TRA2B: variants seen among roughly 807,000 people sequenced by gnomAD.
The protein encoded by TRA2B is transformer-2 protein homolog beta.
A neutral mutation model predicts 41.7 loss-of-function variants in TRA2B; 14 were observed. The observed-to-expected ratio is 0.34, with a 90% CI of 0.22 to 0.53. The LOEUF (loss-of-function observed/expected upper bound fraction) is 0.53, where lower values mean the gene tolerates loss of function less well. Ranked by LOEUF, TRA2B falls within the 20% of genes least tolerant of loss-of-function variation. The pLI is 0.95. For missense variants in TRA2B, 167 were observed against 396.8 expected, an observed-to-expected ratio of 0.42 and a Z score of 4.92; for synonymous variants, 130 against 128.8, an observed-to-expected ratio of 1.01 and a Z score of -0.06.
At chr3:185,919,333 G>A (rs1743626966) in intron 7 of TRA2B, 104 bp downstream of exon 7, 1 of 835,464 alleles carries the variant, frequency 1.2e-6, no homozygotes, top group Non-Finnish European at 1.9e-6. Context: ...CAAACAGTCT[G>A]ATTTTGGGTA....
chr3:185,928,660 A>G (rs993753661), intron 1 of TRA2B: 2 of 152,246 alleles, frequency 1.3e-5, no homozygotes, highest in Admixed American at 6.5e-5. Context: ...AAAAGTTGCT[A>G]AAAGCCTGTT....
intron 1 of TRA2B, 47 bp downstream of exon 1, chr3:185,937,778 C>G (rs759821314): frequency 6.2e-7 from 1 of 1,613,134 alleles, no homozygotes; most frequent in Non-Finnish European, 8.5e-7. Flanking sequence ...GAAAAAGATG[C>G]AAGGAGCTAG....
At chr3:185,917,747 T>A (rs369961575) in intron 8 of TRA2B, 22 bp from the exon 9 acceptor site, 1 of 1,610,260 alleles carries the variant, frequency 6.2e-7, no homozygotes, top group South Asian at 1.1e-5. Context: ...AGAATGAACA[T>A]GCTTTAATAT....
At position 185,937,946 on chromosome 3, in the gene TRA2B, C is replaced by A. The variant is rs1230048041; in HGVS notation, c.-86G>T. ...TTCCTTAAGGAGGCTCCGCCGCAGC[C>A]CCGCACGACGCGCCGGTCGCCCAGC... On this transcript the variant is annotated 5_prime_UTR_variant, in exon 1 of 9. Transcript: ENST00000453386. 8 of 1,537,984 alleles carry A rather than the reference C, an allele frequency of 5.2e-6. No individual in the cohort carries two copies. The highest frequency in any genetic ancestry group is 6.2e-6 in the Non-Finnish European group (7 of 1,124,074).
At chr3:185,935,702 A>T in intron 1 of TRA2B, 1 of 985,424 alleles carries the variant, frequency 1.0e-6, no homozygotes, top group Non-Finnish European at 1.2e-6. Flanking sequence ...GTCTAAGATC[A>T]AGCTGTTCCA....
rs1743446876 is a variant in TRA2B, at chr3:185,914,806, A to G, written c.*2909T>C. Among the ~76,000 whole-genome samples, 1 of 152,058 alleles carries G rather than the reference A, an allele frequency of 6.6e-6. No homozygotes were observed. The highest frequency in any genetic ancestry group is 1.5e-5 in the Non-Finnish European group (1 of 67,996). ...CCTAATCCATCCTCAAAATTTCCAT[A>G]TAATTTACAGAAATTTTGATAATGC... On this transcript the variant is annotated 3_prime_UTR_variant, in exon 9 of 9. Coordinates refer to ENST00000453386, the MANE Select transcript of TRA2B (RefSeq NM_004593.3).
rs1743484862 is a variant in TRA2B, at chr3:185,915,933, A to G, written c.*1782T>C. ...AGGTTTCTCAGCCTTTAATGTATCC[A>G]TCCATAACACAACCCCCTCTGGGAC... On this transcript the variant is annotated 3_prime_UTR_variant, in exon 9 of 9. Transcript: ENST00000453386. The G allele has an allele frequency of 6.6e-6, 1 of 152,198 alleles. No homozygotes were observed. Among genetic ancestry groups the G allele is most frequent in the South Asian group, 2.1e-4 (1 of 4,822 alleles). The allele number at this position is 152,198 out of a possible 1,614,324, so 9.4% of individuals were successfully genotyped here. A position where few individuals can be genotyped will look rare whatever the true frequency, so the allele number is the denominator to read the frequency against.
At chr3:185,930,209 C>T (rs1560013393) in intron 1 of TRA2B, among the ~76,000 whole-genome samples, 1 of 152,100 alleles carries the variant, frequency 6.6e-6, no homozygotes, top group South Asian at 2.1e-4. Context: ...TTTTGCACCC[C>T]AAGGACCTGT....
rs140868850 is a variant in TRA2B, at chr3:185,914,615, T to C, written c.*3100A>G. 2.0e-3 allele frequency among the ~76,000 whole-genome samples: 302 copies of C among 152,290 alleles called. No individual in the cohort carries two copies. The highest frequency in any genetic ancestry group is 7.0e-3 in the African/African-American group (291 of 41,548). On this transcript the variant is annotated 3_prime_UTR_variant, in exon 9 of 9. Coordinates refer to ENST00000453386, the MANE Select transcript of TRA2B (RefSeq NM_004593.3). Reference sequence around the variant, plus strand: ...TTAAAGATTACACATAATAATCCTTTACACTATATACAATAATCCTTTACA... The same window carrying C: ...TTAAAGATTACACATAATAATCCTTCACACTATATACAATAATCCTTTACA...
Position 185,914,807 on chromosome 3 carries a change from T to G in TRA2B, c.*2908A>C, listed in dbSNP as rs569795985. On this transcript the variant is annotated 3_prime_UTR_variant, in exon 9 of 9. Coordinates refer to ENST00000453386, the MANE Select transcript of TRA2B (RefSeq NM_004593.3). ...CTAATCCATCCTCAAAATTTCCATA[T>G]AATTTACAGAAATTTTGATAATGCA... 2.8e-4 allele frequency among the ~76,000 whole-genome samples: 42 copies of G among 152,204 alleles called. No homozygotes were observed. The highest frequency in any genetic ancestry group is 9.6e-4 in the African/African-American group (40 of 41,536).
At chr3:185,924,173 A>G (rs1467050931) in intron 3 of TRA2B, 189 bp from the exon 4 acceptor site, 1 of 441,344 alleles carries the variant, frequency 2.3e-6, no homozygotes, top group Non-Finnish European at 3.8e-6. Flanking sequence ...GTAGGAAAGA[A>G]TGCAAAAGAA....
rs112068216 is a variant in TRA2B at position 185,917,669 on chromosome 3, A to G, written c.*46T>C. ...AGAGACAATAAAAAATATTGCCCAC[A>G]AACAATATCCCAGCTCTAGGGCAGG... On this transcript the variant is annotated 3_prime_UTR_variant, in exon 9 of 9. Coordinates refer to ENST00000453386, the MANE Select transcript of TRA2B (RefSeq NM_004593.3). 1.9e-3 allele frequency: 3,047 copies of G among 1,606,348 alleles called. 51 individuals carry two copies. The African/African-American group carries it at 0.037, about 19-fold the overall frequency.
chr3:185,923,490 C>CT (rs1376630014), intron 4 of TRA2B: 4 of 206,128 alleles, frequency 1.9e-5, no homozygotes, highest in African/African-American at 9.2e-5. Flanking sequence ...TGCATCATAA[C>CT]TTTGCTTTTG....
intron 3 of TRA2B, 91 bp downstream of exon 3, chr3:185,925,373 C>G (rs1743907675): frequency 1.4e-6 from 2 of 1,462,584 alleles, no homozygotes; most frequent in Non-Finnish European, 1.8e-6. Context: ...CACGCACCAA[C>G]TGCTAAAGCT....
In TRA2B at chr3:185,937,903, C is replaced by A. The variant is rs1199162276; in HGVS notation, c.-43G>T. ...GCCGGTCGATGTGCTTCAATCGAAG[C>A]TGCCAACCTCTTGCACCTTCCTTAA... On this transcript the variant is annotated 5_prime_UTR_variant, in exon 1 of 9. Transcript: ENST00000453386. The A allele has an allele frequency of 1.2e-6, 2 of 1,612,120 alleles. No homozygotes were observed. Among genetic ancestry groups the A allele is most frequent in the Non-Finnish European group, 1.7e-6 (2 of 1,179,444 alleles).
intron 1 of TRA2B, chr3:185,928,198 T>C (rs1335730897): frequency 2.6e-5 from 4 of 152,176 alleles, no homozygotes; most frequent in Non-Finnish European, 5.9e-5. Flanking sequence ...AGGGAAAACA[T>C]TTATAATGTA....
At chr3:185,933,720 G>T (rs1198716007) in intron 1 of TRA2B, among the ~76,000 whole-genome samples, 1 of 152,062 alleles carries the variant, frequency 6.6e-6, no homozygotes, top group Admixed American at 6.6e-5. Flanking sequence ...AAAAACTGGA[G>T]AATAGTGTCT....
chr3:185,921,286 G>C (rs950829271), intron 5 of TRA2B, 99 bp from the exon 6 acceptor site: 4 of 1,005,734 alleles, frequency 4.0e-6, no homozygotes, highest in Non-Finnish European at 6.2e-6. Flanking sequence ...ACTGGAAAAT[G>C]AAAATTATTC....
intron 1 of TRA2B, among the ~76,000 whole-genome samples, chr3:185,933,088 A>C (rs973682860): frequency 6.6e-6 from 1 of 152,170 alleles, no homozygotes; most frequent in South Asian, 2.1e-4. Context: ...ATGCAATGGG[A>C]AATGTTTTCT....
Sources: gnomAD v4.1 joint callset for allele counts (sites outside exome capture counted in the v4.1 genomes callset) on GRCh38, gnomAD v4.1.1 for gene constraint, MANE v1.5 for transcripts, NCBI Gene and HGNC (gene_info 2026-07-23, HGNC 2026-07-21) for gene names.